Variants in NHSL3 observed in about 807,000 individuals in gnomAD.
NHSL3 encodes the protein NHS like 3.
chr1:32,768,211 A>G, the NHSL3 span: 1 of 892,358 alleles, frequency 1.1e-6, no homozygotes, highest in Non-Finnish European at 1.9e-6. Flanking sequence ...CAGTTTCTTT[A>G]TCACAAAGGG....
At chr1:32,748,734 A>G in the NHSL3 span, among the ~76,000 whole-genome samples, 1 of 152,154 alleles carries the variant, frequency 6.6e-6, no homozygotes, top group African/African-American at 2.4e-5. Context: ...GCCTGGACCA[A>G]TGTAATAGGG....
chr1:32,770,524 A>G, the NHSL3 span: 1 of 1,547,190 alleles, frequency 6.5e-7, no homozygotes, highest in Non-Finnish European at 8.8e-7. This position sits in a 1 kb window ranked among gnomAD's most constrained non-coding sequence, Gnocchi z 8.3. Flanking sequence ...TACGGCTAGC[A>G]ATAGCGTGGT....
the NHSL3 span, chr1:32,770,273 A>T: frequency 6.2e-7 from 1 of 1,604,456 alleles, no homozygotes; most frequent in Non-Finnish European, 8.5e-7. The surrounding 1 kb of genome is among the most constrained non-coding windows in gnomAD (Gnocchi z 8.3). Context: ...CCTACAGTGG[A>T]CGTGGTGGCC....
the NHSL3 span, among the ~76,000 whole-genome samples, chr1:32,757,113 C>T: frequency 6.6e-6 from 1 of 152,200 alleles, no homozygotes. Flanking sequence ...CATCCTCGGC[C>T]TCAGCCTCTG....
chr1:32,749,279 C>T, the NHSL3 span, among the ~76,000 whole-genome samples: 2 of 152,230 alleles, frequency 1.3e-5, no homozygotes, highest in Admixed American at 6.5e-5. Flanking sequence ...TCTGGGGTTC[C>T]GTGGGATCCA....
the NHSL3 span, among the ~76,000 whole-genome samples, chr1:32,766,556 T>G: frequency 6.6e-6 from 1 of 152,122 alleles, no homozygotes; most frequent in Non-Finnish European, 1.5e-5. Context: ...GCCTCCTAGC[T>G]CTGACCTGTG....
At chr1:32,771,744 C>G in the NHSL3 span, 1 of 1,613,794 alleles carries the variant, frequency 6.2e-7, no homozygotes, top group South Asian at 1.1e-5. Flanking sequence ...TGGCCAAGCT[C>G]CCTCAGAAGG....
At chr1:32,770,327 A>C in the NHSL3 span, 1 of 1,612,038 alleles carries the variant, frequency 6.2e-7, no homozygotes, top group Non-Finnish European at 8.5e-7. This position sits in a 1 kb window ranked among gnomAD's most constrained non-coding sequence, Gnocchi z 8.3. Context: ...TGCAGCCTGC[A>C]CTCGGCCAGC....
the NHSL3 span, among the ~76,000 whole-genome samples, chr1:32,761,331 G>A: frequency 6.6e-6 from 1 of 152,188 alleles, no homozygotes; most frequent in South Asian, 2.1e-4. Context: ...GTGACTCGGA[G>A]AGGCTGCGAG....
the NHSL3 span, chr1:32,768,809 C>G: frequency 6.2e-7 from 1 of 1,606,462 alleles, no homozygotes; most frequent in African/African-American, 1.3e-5. Context: ...GGACAGTGGG[C>G]TCCATTGGGT....
the NHSL3 span, among the ~76,000 whole-genome samples, chr1:32,764,672 A>G: frequency 2.6e-5 from 4 of 152,078 alleles, no homozygotes; most frequent in Admixed American, 2.6e-4. Context: ...GGGTTTCACC[A>G]TGTTGGGCCA....
chr1:32,770,314 C>T, the NHSL3 span: 15 of 1,612,434 alleles, frequency 9.3e-6, no homozygotes, highest in Middle Eastern at 3.3e-4. The surrounding 1 kb of genome is among the most constrained non-coding windows in gnomAD (Gnocchi z 8.3). Context: ...CACACTAAGC[C>T]GCTGCAGCCT....
At chr1:32,773,198 G>A in the NHSL3 span, 2 of 488,902 alleles carry the variant, frequency 4.1e-6, no homozygotes, top group East Asian at 3.4e-5. Flanking sequence ...CCCTGAGGCT[G>A]CAGAGTTGGG....
chr1:32,774,326 G>A, the NHSL3 span: 1 of 152,310 alleles, frequency 6.6e-6, no homozygotes, highest in African/African-American at 2.4e-5. Flanking sequence ...TGTGGTGAGA[G>A]CCAGGTTCCT....
At chr1:32,759,527 C>T in the NHSL3 span, among the ~76,000 whole-genome samples, 1 of 152,188 alleles carries the variant, frequency 6.6e-6, no homozygotes, top group Non-Finnish European at 1.5e-5. Context: ...CTGCCTGTTC[C>T]CCCAGGGCAC....
the NHSL3 span, chr1:32,768,658 C>G: frequency 6.2e-7 from 1 of 1,614,106 alleles, no homozygotes; most frequent in Non-Finnish European, 8.5e-7. Flanking sequence ...ATAGTCCTCC[C>G]GGACGGGGCC....
chr1:32,744,954 C>T, the NHSL3 span, among the ~76,000 whole-genome samples: 3 of 151,332 alleles, frequency 2.0e-5, no homozygotes, highest in African/African-American at 4.9e-5. Flanking sequence ...GGTGAAACCC[C>T]GTCTCTACTA....
At chr1:32,770,577 G>C in the NHSL3 span, 1 of 1,522,630 alleles carries the variant, frequency 6.6e-7, no homozygotes, top group South Asian at 1.3e-5. The surrounding 1 kb of genome is among the most constrained non-coding windows in gnomAD (Gnocchi z 8.3). Context: ...CTCCCAGTGG[G>C]GGCAGCACTG....
chr1:32,766,083 C>T, the NHSL3 span, among the ~76,000 whole-genome samples: 301 of 152,234 alleles, frequency 2.0e-3, 3 homozygotes, highest in African/African-American at 5.9e-3. Context: ...TCCCGTGAGA[C>T]TTGCCTCCCT....
Sources: allele counts gnomAD v4.1 joint callset (sites outside exome capture counted in the v4.1 genomes callset), GRCh38; gene constraint gnomAD v4.1.1; non-coding constraint Gnocchi (gnomAD v3.1); transcripts MANE v1.5; gene names NCBI Gene and HGNC (gene_info 2026-07-23, HGNC 2026-07-21).